Variants in PTPRD observed in about 807,000 individuals in gnomAD.
PTPRD encodes the protein receptor-type tyrosine-protein phosphatase delta.
In PTPRD, 34 loss-of-function variants were observed where a neutral mutation model predicts 214.5. That is an observed-to-expected ratio of 0.16 (90% CI 0.12 to 0.21). The LOEUF (loss-of-function observed/expected upper bound fraction) is 0.21. PTPRD is among the 10% of genes least tolerant of loss of function. The probability of loss-of-function intolerance (pLI) is 1.00; values close to 1 mark genes in which losing one functional copy is unlikely to be tolerated. For synonymous variants in PTPRD, 1,128 were observed against 845.7 expected (o/e 1.33, Z -5.79); for missense variants, 2,545 against 2,398.7 (o/e 1.06, Z -1.27).
At chr9:9,859,989 A>C (rs1247083923) in intron 5 of PTPRD, among the ~76,000 whole-genome samples, 1 of 152,196 alleles carries the variant, frequency 6.6e-6, no homozygotes, top group African/African-American at 2.4e-5. Context: ...TAACAACAAC[A>C]ACAAACTCCT....
intron 5 of PTPRD, among the ~76,000 whole-genome samples, chr9:9,778,472 C>T (rs1386475080): frequency 6.6e-6 from 1 of 152,140 alleles, no homozygotes; most frequent in Non-Finnish European, 1.5e-5. Flanking sequence ...CGCCCATCCC[C>T]GGGAACTCCC....
chr9:8,372,674 G>T (rs2081915779), intron 39 of PTPRD, among the ~76,000 whole-genome samples: 1 of 151,934 alleles, frequency 6.6e-6, no homozygotes, highest in Admixed American at 6.6e-5. Context: ...TAGAAATCTG[G>T]TAGACTCTGT....
chr9:9,052,859 T>C lies in PTPRD; in HGVS notation c.-142-34124A>G, dbSNP rs2099689025. ...ATAAAATCTTCTAGGCAGAATAAAGTAGCATTGAAAGTGAATGGGGGCATC... is the reference window on the plus strand; with the variant it reads ...ATAAAATCTTCTAGGCAGAATAAAGCAGCATTGAAAGTGAATGGGGGCATC... On this transcript the variant is annotated intron_variant, in intron 10 of 45. Transcript: ENST00000381196. Among the ~76,000 whole-genome samples the C allele has an allele frequency of 3.3e-5, 5 of 152,166 alleles. No individual in the cohort carries two copies. In the South Asian group the frequency reaches 1.0e-3, roughly 32 times the overall value.
At chr9:8,531,873 C>T (rs183164411) in intron 14 of PTPRD, among the ~76,000 whole-genome samples, 1 of 152,118 alleles carries the variant, frequency 6.6e-6, no homozygotes, top group Admixed American at 6.6e-5. Flanking sequence ...GAAATATAGT[C>T]CTCACCTTGG....
intron 14 of PTPRD, among the ~76,000 whole-genome samples, chr9:8,558,923 G>C (rs1378230206): frequency 6.6e-6 from 1 of 152,080 alleles, no homozygotes; most frequent in African/African-American, 2.4e-5. Flanking sequence ...ATATTCATCA[G>C]AACTTATCAA....
rs528843726 is a variant in PTPRD, at chr9:9,952,682, A to G, written c.-471-14072T>C. 1.8e-4 allele frequency among the ~76,000 whole-genome samples: 28 copies of G among 152,240 alleles called. 1 individual carries two copies. In the South Asian group the frequency reaches 5.6e-3, roughly 30 times the overall value. Reference sequence around the variant, plus strand: ...AGAGTCCTTGCACCATTTTGCCAGGATAACTATTCACTGGGGAAAGGTGAA... The same window carrying G: ...AGAGTCCTTGCACCATTTTGCCAGGGTAACTATTCACTGGGGAAAGGTGAA... On this transcript the variant is annotated intron_variant, in intron 4 of 45. Coordinates refer to ENST00000381196, the MANE Select transcript of PTPRD (RefSeq NM_002839.4).
intron 2 of PTPRD, among the ~76,000 whole-genome samples, chr9:10,591,256 C>A (rs1459225694): frequency 6.6e-6 from 1 of 151,760 alleles, no homozygotes; most frequent in Non-Finnish European, 1.5e-5. Flanking sequence ...TTTGTTGGTG[C>A]ATGTGTATGT....
chr9:9,435,006 CA>C (rs1192108057), intron 8 of PTPRD, among the ~76,000 whole-genome samples: 4 of 151,584 alleles, frequency 2.6e-5, no homozygotes, highest in Admixed American at 6.6e-5. Flanking sequence ...ATGTTAAAGA[CA>C]AAGAGTATTT....
chr9:8,776,544 G>A (rs948363514), intron 11 of PTPRD, among the ~76,000 whole-genome samples: 25 of 150,360 alleles, frequency 1.7e-4, no homozygotes, highest in African/African-American at 5.7e-4. Flanking sequence ...GCGATCTGCC[G>A]GCCTCCCAAA....
At chr9:9,367,999 C>A (rs2058360063) in intron 9 of PTPRD, among the ~76,000 whole-genome samples, 1 of 151,716 alleles carries the variant, frequency 6.6e-6, no homozygotes, top group Non-Finnish European at 1.5e-5. Context: ...AAGGACAGCT[C>A]AGTCTGGCAT....
chr9:8,891,151 T>TTTTTTTTTTA (rs1345759298), intron 11 of PTPRD, among the ~76,000 whole-genome samples: 1 of 149,636 alleles, frequency 6.7e-6, no homozygotes, highest in African/African-American at 2.5e-5. Context: ...TTTTTTTTTT[T>TTTTTTTTTTA]GAGACTGAGT....
At chr9:9,729,853 T>C (rs930376175) in intron 7 of PTPRD, among the ~76,000 whole-genome samples, 2 of 152,102 alleles carry the variant, frequency 1.3e-5, no homozygotes, top group East Asian at 1.9e-4. Flanking sequence ...TATCATGACA[T>C]AAATTTACAT....
Position 8,336,923 on chromosome 9 carries a change from G to T in PTPRD, c.5379+1999C>A, listed in dbSNP as rs535088450. Among the ~76,000 whole-genome samples the T allele has an allele frequency of 2.1e-3, 323 of 152,304 alleles. 1 individual carries two copies. Among genetic ancestry groups the T allele is most frequent in the South Asian group, 0.014 (67 of 4,822 alleles). ...ATACCATCTTACACCAGTTAGAATG[G>T]CGATCATTAAAAAGTCAGGAAACAA... is the stretch of plus-strand genomic sequence containing the variant. On this transcript the variant is annotated intron_variant, in intron 43 of 45. Coordinates refer to ENST00000381196, the MANE Select transcript of PTPRD (RefSeq NM_002839.4).
intron 8 of PTPRD, among the ~76,000 whole-genome samples, chr9:9,532,815 C>A (rs1214299077): frequency 2.0e-5 from 3 of 152,144 alleles, no homozygotes; most frequent in Non-Finnish European, 4.4e-5. Context: ...GAAAAAAGTA[C>A]TTACAACTGT....
chr9:8,742,206 T>C (rs1184250639), intron 11 of PTPRD, among the ~76,000 whole-genome samples: 3 of 152,204 alleles, frequency 2.0e-5, no homozygotes, highest in Non-Finnish European at 2.9e-5. Flanking sequence ...CTTATCCTAA[T>C]AGTAATGTAT....
At chr9:9,415,552 G>T (rs997339500) in intron 8 of PTPRD, among the ~76,000 whole-genome samples, 7 of 152,098 alleles carry the variant, frequency 4.6e-5, no homozygotes, top group African/African-American at 1.7e-4. Flanking sequence ...GAATTAAAAT[G>T]TTTGCTAAAT....
At chr9:8,335,577 T>C (rs1253373065) in intron 43 of PTPRD, among the ~76,000 whole-genome samples, 1 of 152,156 alleles carries the variant, frequency 6.6e-6, no homozygotes, top group Non-Finnish European at 1.5e-5. Flanking sequence ...CTTTGAAAAC[T>C]GGCACAAGAC....
chr9:9,254,063 G>T (rs1316008932), intron 9 of PTPRD, among the ~76,000 whole-genome samples: 1 of 151,932 alleles, frequency 6.6e-6, no homozygotes, highest in African/African-American at 2.4e-5. Flanking sequence ...TTGGATTTAG[G>T]CCCCACCTGG....
At chr9:8,375,260 C>G (rs764241470) in intron 39 of PTPRD, among the ~76,000 whole-genome samples, 1 of 151,876 alleles carries the variant, frequency 6.6e-6, no homozygotes, top group Non-Finnish European at 1.5e-5. Flanking sequence ...AATCTATAAA[C>G]ATTTATATAT....
Sources: gnomAD v4.1 joint callset for allele counts (sites outside exome capture counted in the v4.1 genomes callset) on GRCh38, gnomAD v4.1.1 for gene constraint, MANE v1.5 for transcripts, NCBI Gene and HGNC (gene_info 2026-07-23, HGNC 2026-07-21) for gene names.